AGO2: variants seen among roughly 807,000 people sequenced by gnomAD.
AGO2 encodes argonaute RISC catalytic component 2.
In AGO2, 5 loss-of-function variants were observed where a neutral mutation model predicts 102.3. The ratio of observed to expected loss-of-function variants is 0.05; its 90% confidence interval spans 0.03 to 0.10. The LOEUF (loss-of-function observed/expected upper bound fraction) is 0.10, where lower values mean the gene tolerates loss of function less well. AGO2 is among the 10% of genes least tolerant of loss of function. The probability of loss-of-function intolerance (pLI) is 1.00; values close to 1 mark genes in which losing one functional copy is unlikely to be tolerated. For synonymous variants in AGO2, 449 were observed against 473.1 expected (o/e 0.95, Z 0.66); for missense variants, 541 against 1,183.7 (o/e 0.46, Z 7.97).
chr8:140,612,283 T>A (rs1335682126), intron 1 of AGO2, among the ~76,000 whole-genome samples: 1 of 148,826 alleles, frequency 6.7e-6, no homozygotes, highest in Non-Finnish European at 1.5e-5. Flanking sequence ...TTCAGCAGTG[T>A]TCGTGAATGG....
chr8:140,532,715 G>GTCTGGACACGGAGGC lies in AGO2; in HGVS notation c.2272-115_2272-101dup, dbSNP rs1175577200. ...TTTGTATTATTAAAAATGCATCATA[G>GTCTGGACACGGAGGC]TCTGGACACGGAGGCTCACGCCTGT... is the stretch of plus-strand genomic sequence containing the variant. On this transcript the variant is annotated intron_variant, in intron 17 of 18. Transcript: ENST00000220592. The GTCTGGACACGGAGGC allele has an allele frequency of 3.1e-6, 4 of 1,296,992 alleles. No homozygotes were observed. In the African/African-American group the frequency reaches 5.9e-5, roughly 19 times the overall value. The allele number at this position is 1,296,992 out of a possible 1,614,324, so 80.3% of individuals were successfully genotyped here.
chr8:140,593,378 G>C (rs897849629), intron 1 of AGO2, among the ~76,000 whole-genome samples: 1 of 151,132 alleles, frequency 6.6e-6, no homozygotes, highest in Non-Finnish European at 1.5e-5. Context: ...TTTTAGTAGG[G>C]ACGGGGTTTC....
intron 1 of AGO2, among the ~76,000 whole-genome samples, chr8:140,590,581 C>A (rs560056808): frequency 5.9e-5 from 9 of 152,336 alleles, no homozygotes; most frequent in South Asian, 4.1e-4. Flanking sequence ...GGAAGGGAGT[C>A]AACAGAACCC....
intron 6 of AGO2, 40 bp downstream of exon 6, chr8:140,559,355 C>T (rs2073158844): frequency 6.3e-7 from 1 of 1,599,720 alleles, no homozygotes; most frequent in Non-Finnish European, 8.5e-7. Flanking sequence ...GGGAAGGGGC[C>T]TCCCAGCCCT....
intron 2 of AGO2, among the ~76,000 whole-genome samples, chr8:140,580,749 C>T (rs1378426659): frequency 1.3e-5 from 2 of 152,240 alleles, no homozygotes; most frequent in Non-Finnish European, 2.9e-5. Context: ...AAACATTTTA[C>T]TTCTGACATT....
Position 140,539,572 on chromosome 8 carries a change from G to A in AGO2, c.2035-118C>T. 5 of 1,249,686 alleles carry A rather than the reference G, an allele frequency of 4.0e-6. No homozygotes were observed. Among genetic ancestry groups the A allele is most frequent in the Non-Finnish European group, 5.6e-6 (5 of 899,366 alleles). 77.4% of individuals were successfully genotyped at this position (1,249,686 alleles called of 1,614,324 possible). A position where few individuals can be genotyped will look rare whatever the true frequency, so the allele number is the denominator to read the frequency against. On this transcript the variant is annotated intron_variant, in intron 15 of 18. Coordinates refer to ENST00000220592, the MANE Select transcript of AGO2 (RefSeq NM_012154.5). The surrounding 1 kb of genome is among the most constrained non-coding windows in gnomAD (Gnocchi z 4.7). ...CCGTGGTGATTCTGAGAGACAATGA[G>A]TGTGTTCACGGGGAGGTGAAAACAC... is the stretch of plus-strand genomic sequence containing the variant.
chr8:140,624,814 C>T (rs2074255332), intron 1 of AGO2, among the ~76,000 whole-genome samples: 1 of 150,118 alleles, frequency 6.7e-6, no homozygotes, highest in Non-Finnish European at 1.5e-5. Flanking sequence ...GTCAACAAGA[C>T]GATGCCACTG....
In AGO2 at chr8:140,610,700, C is replaced by T. The variant is rs368151037; in HGVS notation, c.22+24785G>A. ...CCCAGCCTAGGCTGGTTCCTGAAGG[C>T]GACAGGCCCCTGGGCCCCACTGTCT... On this transcript the variant is annotated intron_variant, in intron 1 of 18. Transcript: ENST00000220592. 1.5e-4 allele frequency among the ~76,000 whole-genome samples: 23 copies of T among 152,306 alleles called. No individual in the cohort carries two copies. The Middle Eastern group carries it at 0.014, about 90-fold the overall frequency.
At chr8:140,623,591 G>A (rs950349767) in intron 1 of AGO2, among the ~76,000 whole-genome samples, 4 of 152,092 alleles carry the variant, frequency 2.6e-5, no homozygotes, top group East Asian at 1.9e-4. Context: ...TGGTGGGAGC[G>A]GAGGGTGCCG....
At chr8:140,625,231 G>A (rs2074260951) in intron 1 of AGO2, among the ~76,000 whole-genome samples, 1 of 152,284 alleles carries the variant, frequency 6.6e-6, no homozygotes, top group South Asian at 2.1e-4. Flanking sequence ...TCCACCTCCT[G>A]GGTAGCTGGA....
At chr8:140,585,640 C>T (rs953185051) in intron 1 of AGO2, among the ~76,000 whole-genome samples, 3 of 152,338 alleles carry the variant, frequency 2.0e-5, no homozygotes, top group African/African-American at 7.2e-5. Context: ...CCCTCCCTTG[C>T]TGCTGCTTAA....
chr8:140,576,139 C>T (rs949673698), intron 2 of AGO2, among the ~76,000 whole-genome samples: 6 of 152,106 alleles, frequency 3.9e-5, no homozygotes, highest in Non-Finnish European at 8.8e-5. Flanking sequence ...ATGGTGAAAC[C>T]CCGTCTCTAC....
intron 1 of AGO2, among the ~76,000 whole-genome samples, chr8:140,624,086 C>T (rs909998958): frequency 6.6e-6 from 1 of 152,042 alleles, no homozygotes; most frequent in African/African-American, 2.4e-5. Flanking sequence ...CCGTCCCCTC[C>T]TGGGTTTCTG....
At position 140,553,816 on chromosome 8, in the gene AGO2, A is replaced by G. The variant is rs574431823; in HGVS notation, c.1269+2080T>C. Reference sequence around the variant, plus strand: ...CAGGTTCAAGTGGTTCTCCTGCCTCAGTCTCCCGAGTAGCTGGGATTACAG... The same window carrying G: ...CAGGTTCAAGTGGTTCTCCTGCCTCGGTCTCCCGAGTAGCTGGGATTACAG... On this transcript the variant is annotated intron_variant, in intron 10 of 18. Coordinates refer to ENST00000220592, the MANE Select transcript of AGO2 (RefSeq NM_012154.5). 3.9e-5 allele frequency among the ~76,000 whole-genome samples: 6 copies of G among 152,264 alleles called. No individual in the cohort carries two copies. In the East Asian group the frequency reaches 1.2e-3, roughly 29 times the overall value.
intron 17 of AGO2, 73 bp from the exon 18 acceptor site, chr8:140,532,688 T>C (rs747799790): frequency 6.9e-7 from 1 of 1,438,984 alleles, no homozygotes; most frequent in Non-Finnish European, 9.6e-7. Context: ...AGAAGATTTA[T>C]ATTTGTATTA....
chr8:140,640,468 CTA>C (rs1462821754), upstream of AGO2, among the ~76,000 whole-genome samples: 4 of 152,046 alleles, frequency 2.6e-5, no homozygotes, highest in Admixed American at 6.5e-5. Flanking sequence ...GGTGTCTCAC[CTA>C]TGAGGTGTGG....
At chr8:140,576,918 G>A (rs1050711699) in intron 2 of AGO2, among the ~76,000 whole-genome samples, 5 of 152,044 alleles carry the variant, frequency 3.3e-5, no homozygotes, top group South Asian at 2.1e-4. Flanking sequence ...TTAGAAACAC[G>A]CTTGGCGGGC....
intron 17 of AGO2, 59 bp from the exon 18 acceptor site, chr8:140,532,674 G>A (rs901351305): frequency 1.3e-6 from 2 of 1,509,252 alleles, no homozygotes; most frequent in Non-Finnish European, 9.1e-7. Flanking sequence ...AAAGGATACT[G>A]TGGAGAAGAT....
chr8:140,602,888 AG>A (rs1332756390), intron 1 of AGO2, among the ~76,000 whole-genome samples: 1 of 152,248 alleles, frequency 6.6e-6, no homozygotes, highest in African/African-American at 2.4e-5. Context: ...CTTCCTGAAG[AG>A]AGACGAGCTC....
Sources: allele counts gnomAD v4.1 joint callset (sites outside exome capture counted in the v4.1 genomes callset), GRCh38; gene constraint gnomAD v4.1.1; non-coding constraint Gnocchi (gnomAD v3.1); transcripts MANE v1.5; gene names NCBI Gene and HGNC (gene_info 2026-07-23, HGNC 2026-07-21).